C9: variants seen among roughly 807,000 people sequenced by gnomAD.
C9 encodes the protein complement component C9.
C9 carries 63 observed loss-of-function variants against 65.4 expected under a neutral mutation model. That is an observed-to-expected ratio of 0.96 (90% CI 0.79 to 1.19). C9 has a LOEUF of 1.19. Among genes scored for constraint, C9 ranks in the 50% most tolerant of loss-of-function variants. The pLI, the probability that C9 is intolerant of heterozygous loss-of-function variation, is 0.00. For synonymous variants in C9, 229 were observed against 227.9 expected (o/e 1.00, Z -0.04); for missense variants, 744 against 670.1 (o/e 1.11, Z -1.22).
At chr5:39,335,005 AAAG>A (rs889562542) in intron 4 of C9, among the ~76,000 whole-genome samples, 8 of 151,648 alleles carry the variant, frequency 5.3e-5, no homozygotes, top group Non-Finnish European at 8.8e-5. Flanking sequence ...AAAAAAAAAA[AAAG>A]AAATAAACAC....
intron 1 of C9, among the ~76,000 whole-genome samples, chr5:39,354,303 T>A (rs1754376622): frequency 6.6e-6 from 1 of 152,216 alleles, no homozygotes; most frequent in Non-Finnish European, 1.5e-5. Flanking sequence ...CCTATAGCAG[T>A]GGGTCTCAAT....
chr5:39,330,190 G>A (rs1054816682), intron 5 of C9, among the ~76,000 whole-genome samples: 1 of 152,174 alleles, frequency 6.6e-6, no homozygotes, highest in Non-Finnish European at 1.5e-5. Context: ...TATGAACATA[G>A]ATTAGTTTTG....
chr5:39,296,636 T>C (rs559719288), intron 9 of C9, among the ~76,000 whole-genome samples: 1 of 151,672 alleles, frequency 6.6e-6, no homozygotes, highest in African/African-American at 2.4e-5. Context: ...AAAAGAGACA[T>C]CCGCACCCTT....
intron 1 of C9, among the ~76,000 whole-genome samples, chr5:39,360,014 G>A (rs1418339633): frequency 6.6e-6 from 1 of 152,058 alleles, no homozygotes; most frequent in Admixed American, 6.6e-5. Context: ...GAAAAACTTA[G>A]GCAAATATAA....
At position 39,300,600 on chromosome 5, in the gene C9, T is replaced by TA. The variant is rs976665575; in HGVS notation, c.1416+6016dup. On this transcript the variant is annotated intron_variant, in intron 9 of 10. Coordinates refer to ENST00000263408, the MANE Select transcript of C9 (RefSeq NM_001737.5). ...AGACGTCTGGCAAACATAGGTAATT[T>TA]AAAAAAAAAAATTGAGGCAGAAAAC... Among the ~76,000 whole-genome samples the TA allele has an allele frequency of 1.0e-3, 155 of 147,628 alleles. 1 individual carries two copies. The highest frequency in any genetic ancestry group is 3.2e-3 in the African/African-American group (129 of 40,466).
intron 5 of C9, 52 bp downstream of exon 5, chr5:39,331,624 G>C (rs1236394150): frequency 6.5e-7 from 1 of 1,535,614 alleles, no homozygotes; most frequent in Non-Finnish European, 9.0e-7. Flanking sequence ...ACTTATTTAA[G>C]CAATTTTTCA....
chr5:39,325,332 A>G (rs1003999652), intron 5 of C9, among the ~76,000 whole-genome samples: 2 of 152,182 alleles, frequency 1.3e-5, no homozygotes, highest in Admixed American at 1.3e-4. Context: ...ATGACAGTAA[A>G]GGATAACAAG....
At chr5:39,305,603 G>A (rs1263730842) in intron 9 of C9, among the ~76,000 whole-genome samples, 6 of 151,958 alleles carry the variant, frequency 3.9e-5, no homozygotes, top group Non-Finnish European at 4.4e-5. Context: ...AATAGTACCA[G>A]TAAAAGAAGT....
At chr5:39,319,530 C>T (rs1753630092) in intron 5 of C9, among the ~76,000 whole-genome samples, 1 of 152,166 alleles carries the variant, frequency 6.6e-6, no homozygotes, top group African/African-American at 2.4e-5. Context: ...AGCACCCGTA[C>T]ACCTCAGCTT....
chr5:39,343,061 A>G (rs4957473), intron 1 of C9, among the ~76,000 whole-genome samples: 45,918 of 152,066 alleles, frequency 0.3, 7,872 homozygotes, highest in Non-Finnish European at 0.38. Flanking sequence ...AGAAAAGGCT[A>G]GCTGAACAGG....
At position 39,311,396 on chromosome 5, in the gene C9, GAAGAA is replaced by G; in HGVS notation, c.871-24_871-20del. On this transcript the variant is annotated intron_variant, in intron 6 of 10. Transcript: ENST00000263408. Reference sequence around the variant, plus strand: ...TTTTTTCCTGTGTTGTAGAGCAGATGAAGAAGAGAAACATGTGTTTTATCCACCAT... The same window carrying G: ...TTTTTTCCTGTGTTGTAGAGCAGATGGAGAAACATGTGTTTTATCCACCAT... The G allele has an allele frequency of 6.2e-7, 1 of 1,607,484 alleles. No homozygotes were observed. The highest frequency in any genetic ancestry group is 8.5e-7 in the Non-Finnish European group (1 of 1,177,154).
At chr5:39,354,948 G>A (rs1037769484) in intron 1 of C9, among the ~76,000 whole-genome samples, 7 of 152,168 alleles carry the variant, frequency 4.6e-5, no homozygotes, top group Admixed American at 3.9e-4. Flanking sequence ...TTCAGGAATT[G>A]CTCTAGGCTC....
intron 9 of C9, among the ~76,000 whole-genome samples, chr5:39,294,739 A>G (rs1029398239): frequency 1.3e-5 from 2 of 151,884 alleles, no homozygotes; most frequent in Non-Finnish European, 2.9e-5. Context: ...CCCTGATATC[A>G]AAACCAGACA....
At chr5:39,357,184 C>T (rs995744575) in intron 1 of C9, among the ~76,000 whole-genome samples, 2 of 152,150 alleles carry the variant, frequency 1.3e-5, no homozygotes, top group African/African-American at 4.8e-5. Context: ...GTGGTAGGCC[C>T]AGACAGGAAA....
intron 10 of C9, 114 bp from the exon 11 acceptor site, chr5:39,285,347 T>C: frequency 1.2e-6 from 1 of 809,866 alleles, no homozygotes. Context: ...TGTGCCATAC[T>C]GTCTAGGTAC....
intron 1 of C9, among the ~76,000 whole-genome samples, chr5:39,347,549 T>G: frequency 6.6e-6 from 1 of 152,212 alleles, no homozygotes; most frequent in Non-Finnish European, 1.5e-5. Flanking sequence ...GAACATTCCA[T>G]GCTCATGGAT....
chr5:39,347,762 T>G, intron 1 of C9, among the ~76,000 whole-genome samples: 1 of 152,090 alleles, frequency 6.6e-6, no homozygotes, highest in East Asian at 1.9e-4. Flanking sequence ...CTACCTGACT[T>G]CAAACTGTAC....
In C9 at chr5:39,315,956, T is replaced by G. The variant is rs756910234; in HGVS notation, c.689A>C (p.Glu230Ala). The change falls in exon 6 of 11, where the codon GAG (glutamate) becomes GCG (alanine). Residue 230 changes from glutamate (E) to alanine (A), a missense_variant. Coordinates refer to ENST00000263408, the MANE Select transcript of C9 (RefSeq NM_001737.5). ...QIEAFKSIIQ[E>A]KTSNFNAAIS... is the part of the protein sequence containing the mutation. ...AGCTGCATTAAAATTTGATGTCTTC[T>G]CTTGGATGATACTTTTAAATGCTTC... The G allele has an allele frequency of 3.1e-6, 5 of 1,610,156 alleles. No homozygotes were observed. In the South Asian group the frequency reaches 5.5e-5, roughly 18 times the overall value.
At chr5:39,286,908 A>G (rs1014826478) in intron 10 of C9, among the ~76,000 whole-genome samples, 4 of 152,018 alleles carry the variant, frequency 2.6e-5, no homozygotes, top group Non-Finnish European at 5.9e-5. Flanking sequence ...TTAAAAATTT[A>G]TATTGTAAGA....
Sources: allele counts gnomAD v4.1 joint callset (sites outside exome capture counted in the v4.1 genomes callset), GRCh38; gene constraint gnomAD v4.1.1; transcripts MANE v1.5; gene names NCBI Gene and HGNC (gene_info 2026-07-23, HGNC 2026-07-21).